RPA1: variants seen among roughly 807,000 people sequenced by gnomAD.
RPA1 encodes replication protein A 70 kDa DNA-binding subunit.
A neutral mutation model predicts 83.0 loss-of-function variants in RPA1; 49 were observed. The observed-to-expected ratio is 0.59, with a 90% CI of 0.47 to 0.75. The LOEUF (loss-of-function observed/expected upper bound fraction) is 0.75, where lower values mean the gene tolerates loss of function less well. Among genes scored for constraint, RPA1 ranks in the 30% least tolerant of loss-of-function variants. The pLI, the probability that RPA1 is intolerant of heterozygous loss-of-function variation, is 0.00. For missense variants in RPA1, 693 were observed against 776.1 expected, an observed-to-expected ratio of 0.89 and a Z score of 1.27; for synonymous variants, 279 against 281.8, an observed-to-expected ratio of 0.99 and a Z score of 0.10.
chr17:1,874,865 G>A (rs1252720943), intron 6 of RPA1, among the ~76,000 whole-genome samples: 3 of 152,228 alleles, frequency 2.0e-5, no homozygotes, highest in Non-Finnish European at 4.4e-5. Flanking sequence ...GATAGATGGT[G>A]TATTGATATT....
intron 5 of RPA1, among the ~76,000 whole-genome samples, chr17:1,858,907 T>A (rs563102361): frequency 6.5e-4 from 54 of 82,574 alleles, no homozygotes; most frequent in African/African-American, 1.9e-3. Context: ...TTATTTTATT[T>A]TTTTTTTTTT....
At chr17:1,866,061 C>T (rs192972455) in intron 5 of RPA1, among the ~76,000 whole-genome samples, 6 of 152,034 alleles carry the variant, frequency 3.9e-5, no homozygotes, top group East Asian at 4.0e-4. Context: ...GGCAACATGA[C>T]GAAACCCTGT....
chr17:1,887,142 G>C (rs1914021761), intron 13 of RPA1, among the ~76,000 whole-genome samples: 1 of 152,162 alleles, frequency 6.6e-6, no homozygotes, highest in Non-Finnish European at 1.5e-5. Context: ...ATTCAAAGAA[G>C]AGAGACAGGA....
At chr17:1,849,584 A>C (rs367822129) in intron 4 of RPA1, among the ~76,000 whole-genome samples, 2 of 145,422 alleles carry the variant, frequency 1.4e-5, no homozygotes, top group African/African-American at 5.1e-5. Context: ...GAGCCACCGC[A>C]CCCGGCATTC....
chr17:1,886,498 C>T (rs1201803291), intron 13 of RPA1, among the ~76,000 whole-genome samples: 1 of 152,218 alleles, frequency 6.6e-6, no homozygotes, highest in Non-Finnish European at 1.5e-5. Flanking sequence ...ATGGCATCTT[C>T]TTCCAGAAGG....
chr17:1,853,163 T>C lies in RPA1; in HGVS notation c.335T>C (p.Ile112Thr), dbSNP rs1912562389. The change falls in exon 5 of 17, where the codon ATT becomes ACT. Residue 112 changes from isoleucine to threonine, a missense_variant. Ile to Thr is a moderately conservative substitution (Grantham distance 89). Coordinates refer to ENST00000254719, the MANE Select transcript of RPA1 (RefSeq NM_002945.5). ...LKSAEAVGVKIGNPVPYNEGL... is the reference protein window; with the variant it reads ...LKSAEAVGVKTGNPVPYNEGL... ...TCAGCTGAAGCAGTTGGAGTGAAGA[T>C]TGGCAATCCAGTGCCCTATAATGAA... 8 of 1,614,126 alleles carry C rather than the reference T, an allele frequency of 5.0e-6. No homozygotes were observed. The highest frequency in any genetic ancestry group is 6.8e-6 in the Non-Finnish European group (8 of 1,179,996).
At chr17:1,849,587 C>T (rs995757797) in intron 4 of RPA1, among the ~76,000 whole-genome samples, 9 of 151,402 alleles carry the variant, frequency 5.9e-5, no homozygotes, top group South Asian at 4.2e-4. Context: ...CCACCGCACC[C>T]GGCATTCCTT....
Position 1,895,111 on chromosome 17 carries a change from G to T in RPA1, c.1746+16G>T. ...GACCTACAACGTAAGTAAGGGCCTG[G>T]GCAGCAGGGTTGGTGGTGGGGAGGT... On this transcript the variant is annotated intron_variant, in intron 16 of 16. Coordinates refer to ENST00000254719, the MANE Select transcript of RPA1 (RefSeq NM_002945.5). 1 of 1,605,954 alleles carries T rather than the reference G, an allele frequency of 6.2e-7. No homozygotes were observed.
intron 13 of RPA1, among the ~76,000 whole-genome samples, chr17:1,888,247 G>C (rs1914067355): frequency 6.6e-6 from 1 of 152,220 alleles, no homozygotes; most frequent in South Asian, 2.1e-4. Context: ...GCGCGGGAGG[G>C]ATGGTTGATC....
At chr17:1,861,578 C>T (rs1490609746) in intron 5 of RPA1, among the ~76,000 whole-genome samples, 1 of 152,222 alleles carries the variant, frequency 6.6e-6, no homozygotes, top group Admixed American at 6.5e-5. Flanking sequence ...TGTCTAGAGA[C>T]AGTCTGTTTC....
At chr17:1,875,547 T>C (rs528172461) in intron 6 of RPA1, 114 bp from the exon 7 acceptor site, 1 of 1,119,120 alleles carries the variant, frequency 8.9e-7, no homozygotes, top group South Asian at 1.6e-5. Flanking sequence ...TTGCCTCTCA[T>C]GTTATATGAT....
chr17:1,859,435 C>T (rs959778719), intron 5 of RPA1, among the ~76,000 whole-genome samples: 1 of 152,150 alleles, frequency 6.6e-6, no homozygotes, highest in Non-Finnish European at 1.5e-5. Flanking sequence ...GTTTCTCTGT[C>T]TCTCTGCAGT....
At chr17:1,886,919 C>T (rs1914015967) in intron 13 of RPA1, among the ~76,000 whole-genome samples, 1 of 152,060 alleles carries the variant, frequency 6.6e-6, no homozygotes, top group Non-Finnish European at 1.5e-5. Flanking sequence ...CTCTGCCTCC[C>T]AAAGTGCTGG....
chr17:1,833,587 G>A (rs1032056128), intron 1 of RPA1, among the ~76,000 whole-genome samples: 9 of 152,236 alleles, frequency 5.9e-5, no homozygotes, highest in African/African-American at 2.2e-4. Flanking sequence ...AGGCGCAGTG[G>A]CTCACGCCTG....
At chr17:1,880,277 A>G (rs1202423000) in intron 11 of RPA1, among the ~76,000 whole-genome samples, 2 of 152,290 alleles carry the variant, frequency 1.3e-5, no homozygotes, top group Non-Finnish European at 2.9e-5. Context: ...TCTGGTAAGT[A>G]TTTAAAATCC....
At chr17:1,872,381 T>A in intron 5 of RPA1, 53 bp from the exon 6 acceptor site, 1 of 1,591,652 alleles carries the variant, frequency 6.3e-7, no homozygotes, top group South Asian at 1.1e-5. Context: ...CAAGTTTAAA[T>A]CTCTTAACCC....
chr17:1,836,704 C>T (rs952695867), intron 1 of RPA1, among the ~76,000 whole-genome samples: 1 of 151,768 alleles, frequency 6.6e-6, no homozygotes, highest in Non-Finnish European at 1.5e-5. Flanking sequence ...CTCTGTCACC[C>T]AGGCTGGAGT....
At chr17:1,873,754 C>T (rs1597446560) in intron 6 of RPA1, among the ~76,000 whole-genome samples, 1 of 151,746 alleles carries the variant, frequency 6.6e-6, no homozygotes, top group Admixed American at 6.6e-5. Flanking sequence ...TCTGGGAGGC[C>T]GAGGTGGACG....
Position 1,899,046 on chromosome 17 carries a change from G to A in RPA1, c.*1871G>A, listed in dbSNP as rs17292615. On this transcript the variant is annotated 3_prime_UTR_variant, in exon 17 of 17. Transcript: ENST00000254719. Reference sequence around the variant, plus strand: ...GTGGTACCAGGACAGGACGTGTCCAGGGAACGCTGACACCTGTCCTCGCGC... The same window carrying A: ...GTGGTACCAGGACAGGACGTGTCCAAGGAACGCTGACACCTGTCCTCGCGC... 1.3e-5 allele frequency: 2 copies of A among 152,840 alleles called. No homozygotes were observed. Among genetic ancestry groups the A allele is most frequent in the Non-Finnish European group, 2.9e-5 (2 of 68,118 alleles). 9.5% of individuals were successfully genotyped at this position (152,840 alleles called of 1,614,324 possible).
Sources: allele counts gnomAD v4.1 joint callset (sites outside exome capture counted in the v4.1 genomes callset), GRCh38; gene constraint gnomAD v4.1.1; transcripts MANE v1.5; gene names NCBI Gene and HGNC (gene_info 2026-07-23, HGNC 2026-07-21).